ADGB: variants seen among roughly 807,000 people sequenced by gnomAD.
ADGB encodes the protein androglobin.
In ADGB, 172 loss-of-function variants were observed where a neutral mutation model predicts 210.5. The ratio of observed to expected loss-of-function variants is 0.82; its 90% CI spans 0.72 to 0.93. The LOEUF is 0.93. Ranked by LOEUF, ADGB falls within the 40% of genes least tolerant of loss-of-function variation. The pLI, the probability that ADGB is intolerant of heterozygous loss-of-function variation, is 0.00. For synonymous variants in ADGB, 658 were observed against 662.7 expected (o/e 0.99, Z 0.11); for missense variants, 2,025 against 1,964.8 (o/e 1.03, Z -0.58).
chr6:146,614,183 CCCTCCCTCCCTCCCTCCCTTCCTCCCTT>C (rs1780752133), intron 1 of ADGB, among the ~76,000 whole-genome samples: 1 of 71,086 alleles, frequency 1.4e-5, no homozygotes. Context: ...TTCTCTCCCT[CCCTCCCTCCCTCCCTCCCTTCCTCCCTT>C]CCTTCCTCCC....
At chr6:146,633,923 A>G (rs887857958) in intron 1 of ADGB, among the ~76,000 whole-genome samples, 3 of 152,116 alleles carry the variant, frequency 2.0e-5, no homozygotes, top group African/African-American at 7.2e-5. Context: ...TACAATATTT[A>G]TAAGGTCTTC....
At chr6:146,736,313 G>A (rs1356706090) in intron 22 of ADGB, among the ~76,000 whole-genome samples, 185 bp from the exon 23 acceptor site, 1 of 152,156 alleles carries the variant, frequency 6.6e-6, no homozygotes, top group African/African-American at 2.4e-5. Flanking sequence ...ACGGTGAGCA[G>A]AGCTCTTGAC....
chr6:146,661,760 T>A (rs559750790), intron 5 of ADGB, among the ~76,000 whole-genome samples: 10 of 152,130 alleles, frequency 6.6e-5, no homozygotes, highest in Non-Finnish European at 1.0e-4. Flanking sequence ...TCTGAAAAAT[T>A]TTCTTTCGCA....
At chr6:146,650,709 A>G (rs1247836807) in intron 3 of ADGB, among the ~76,000 whole-genome samples, 2 of 151,256 alleles carry the variant, frequency 1.3e-5, no homozygotes, top group East Asian at 3.9e-4. Context: ...AATTCTGACA[A>G]TCCGATGGAC....
In ADGB at chr6:146,808,757, A is replaced by G. The variant is rs1778252873; in HGVS notation, c.4819-6275A>G. 2.0e-5 allele frequency among the ~76,000 whole-genome samples: 3 copies of G among 152,088 alleles called. 1 individual carries two copies. In the South Asian group the frequency reaches 6.2e-4, roughly 31 times the overall value. ...GTCCAGGCTGGGATGCAGTGGCACA[A>G]TCTCAGCTCACTGCAACCTCTACCT... is the stretch of plus-strand genomic sequence containing the variant. On this transcript the variant is annotated intron_variant, in intron 35 of 35. Coordinates refer to ENST00000397944, the MANE Select transcript of ADGB (RefSeq NM_024694.4).
chr6:146,747,653 C>T (rs1459033986), intron 26 of ADGB, among the ~76,000 whole-genome samples: 6 of 151,896 alleles, frequency 4.0e-5, no homozygotes, highest in African/African-American at 1.5e-4. Context: ...TGGATTTTTA[C>T]ATTAGGAGCA....
intron 20 of ADGB, among the ~76,000 whole-genome samples, chr6:146,731,834 G>A (rs1254064879): frequency 1.3e-5 from 2 of 152,094 alleles, no homozygotes; most frequent in African/African-American, 2.4e-5. Context: ...CTCAAGAAAT[G>A]TGTTCTGAAA....
Position 146,752,977 on chromosome 6 carries a change from T to C in ADGB, c.3550+263T>C, listed in dbSNP as rs375617038. Among the ~76,000 whole-genome samples the C allele has an allele frequency of 2.0e-4, 30 of 152,212 alleles. 1 individual carries two copies. Among genetic ancestry groups the C allele is most frequent in the African/African-American group, 6.5e-4 (27 of 41,574 alleles). ...TTCTTAATAAGAAGTCAAATTTTTA[T>C]TATTTTGAAAGAATATTTTTACTTT... On this transcript the variant is annotated intron_variant, in intron 27 of 35. Coordinates refer to ENST00000397944, the MANE Select transcript of ADGB (RefSeq NM_024694.4).
intron 2 of ADGB, 50 bp from the exon 3 acceptor site, chr6:146,644,714 ATTGTTTTTT>A: frequency 2.8e-6 from 3 of 1,062,804 alleles, no homozygotes; most frequent in African/African-American, 1.6e-5. Flanking sequence ...TTTTATTAAA[ATTGTTTTTT>A]TATTTTAATA....
intron 1 of ADGB, among the ~76,000 whole-genome samples, chr6:146,621,183 A>G (rs2114842644): frequency 6.6e-6 from 1 of 152,172 alleles, no homozygotes; most frequent in East Asian, 1.9e-4. Flanking sequence ...CTAGGTATTA[A>G]TTCTGATCTT....
At chr6:146,702,189 G>C (rs1186859874) in intron 13 of ADGB, among the ~76,000 whole-genome samples, 1 of 151,774 alleles carries the variant, frequency 6.6e-6, no homozygotes, top group East Asian at 1.9e-4. Flanking sequence ...AGTTAATAGG[G>C]CATTCATTCA....
intron 2 of ADGB, among the ~76,000 whole-genome samples, chr6:146,636,192 A>T (rs1020606444): frequency 6.6e-6 from 1 of 152,070 alleles, no homozygotes; most frequent in African/African-American, 2.4e-5. Context: ...AATATGACCT[A>T]TTTATTGGGT....
At chr6:146,704,102 T>C (rs1212781858) in intron 13 of ADGB, among the ~76,000 whole-genome samples, 7 of 152,044 alleles carry the variant, frequency 4.6e-5, no homozygotes, top group Non-Finnish European at 8.8e-5. Context: ...TGGCCATTTG[T>C]ATGTCTTCTC....
At chr6:146,719,054 C>T (rs1415833648) in intron 16 of ADGB, among the ~76,000 whole-genome samples, 1 of 152,146 alleles carries the variant, frequency 6.6e-6, no homozygotes, top group Non-Finnish European at 1.5e-5. Context: ...GGTAAAATGA[C>T]AATGGTTTAT....
At chr6:146,716,081 C>T (rs1359770297) in intron 14 of ADGB, among the ~76,000 whole-genome samples, 1 of 151,012 alleles carries the variant, frequency 6.6e-6, no homozygotes, top group Admixed American at 6.6e-5. Context: ...AAATGGTATG[C>T]CACATTACTT....
chr6:146,641,564 C>T (rs1197836177), intron 2 of ADGB, among the ~76,000 whole-genome samples: 1 of 151,676 alleles, frequency 6.6e-6, no homozygotes, highest in Non-Finnish European at 1.5e-5. Flanking sequence ...GGCACATAGA[C>T]GAATGAGGCA....
At chr6:146,695,386 C>A (rs1234965562) in intron 12 of ADGB, among the ~76,000 whole-genome samples, 2 of 152,028 alleles carry the variant, frequency 1.3e-5, no homozygotes, top group African/African-American at 2.4e-5. Flanking sequence ...TAACAGTTAG[C>A]ATATGGGCTT....
At chr6:146,781,473 A>G (rs771269806) in intron 29 of ADGB, among the ~76,000 whole-genome samples, 1 of 110,052 alleles carries the variant, frequency 9.1e-6, no homozygotes, top group Non-Finnish European at 2.1e-5. Context: ...GAAATGAATT[A>G]AAAAAAAAAA....
intron 18 of ADGB, 133 bp from the exon 19 acceptor site, chr6:146,725,950 A>T: frequency 1.8e-6 from 1 of 557,454 alleles, no homozygotes; most frequent in South Asian, 2.7e-5. Context: ...TCCTTATCTC[A>T]TCTGTGTTAA....
Sources: allele counts gnomAD v4.1 joint callset (sites outside exome capture counted in the v4.1 genomes callset), GRCh38; gene constraint gnomAD v4.1.1; transcripts MANE v1.5; gene names NCBI Gene and HGNC (gene_info 2026-07-23, HGNC 2026-07-21).